CYSTM1: variants seen among roughly 807,000 people sequenced by gnomAD.
CYSTM1 encodes cysteine-rich transmembrane module-containing protein 1.
In CYSTM1, 4 loss-of-function variants were observed where a neutral mutation model predicts 13.1. That is an observed-to-expected ratio of 0.31 (90% CI 0.15 to 0.70). The LOEUF (loss-of-function observed/expected upper bound fraction) is 0.70, where lower values mean the gene tolerates loss of function less well. CYSTM1 is among the 30% of genes least tolerant of loss of function. The pLI is 0.72. For missense variants in CYSTM1, 96 were observed against 121.6 expected, an observed-to-expected ratio of 0.79 and a Z score of 0.99; for synonymous variants, 36 against 42.7, an observed-to-expected ratio of 0.84 and a Z score of 0.62.
chr5:140,214,560 C>G (rs935057865), intron 2 of CYSTM1, among the ~76,000 whole-genome samples: 4 of 152,184 alleles, frequency 2.6e-5, no homozygotes, highest in Non-Finnish European at 4.4e-5. Context: ...GGCCTTGCTT[C>G]ATTGTTCTTA....
At chr5:140,192,190 C>G (rs1227423541) in intron 1 of CYSTM1, among the ~76,000 whole-genome samples, 1 of 152,176 alleles carries the variant, frequency 6.6e-6, no homozygotes, top group Non-Finnish European at 1.5e-5. Context: ...CTCTCTTGAT[C>G]AGCACCTCCT....
chr5:140,226,613 A>ATATATATATATATATAT (rs61099181), intron 2 of CYSTM1, among the ~76,000 whole-genome samples: 891 of 84,582 alleles, frequency 0.011, 26 homozygotes, highest in South Asian at 0.023. Context: ...TATATATATA[A>ATATATATATATATATAT]AAATTAGCCA....
At chr5:140,213,924 T>A (rs964775705) in intron 2 of CYSTM1, among the ~76,000 whole-genome samples, 2 of 152,258 alleles carry the variant, frequency 1.3e-5, no homozygotes, top group African/African-American at 4.8e-5. Flanking sequence ...TGTACTGTTT[T>A]GTATTTTGTC....
chr5:140,185,267 A>T (rs988425903), intron 1 of CYSTM1, among the ~76,000 whole-genome samples: 5 of 152,228 alleles, frequency 3.3e-5, no homozygotes, highest in Non-Finnish European at 7.3e-5. Flanking sequence ...GCCCTTGTTC[A>T]GCGAAAGGTC....
rs869228543 is a variant in CYSTM1 at position 140,226,470 on chromosome 5, A to T, written c.188-16835A>T. The stretch of plus-strand genomic sequence containing the variant: ...ATGGTGAAAACCCGTCTCTATAAAA[A>T]ATATATATATATTTATATATATATA... On this transcript the variant is annotated intron_variant, in intron 2 of 2. Coordinates refer to ENST00000261811, the MANE Select transcript of CYSTM1 (RefSeq NM_032412.4). 5.4e-5 allele frequency among the ~76,000 whole-genome samples: 7 copies of T among 128,876 alleles called. No individual in the cohort carries two copies. The South Asian group carries it at 6.9e-4, about 13-fold the overall frequency. The allele number at this position is 128,876 out of a possible 152,430, so 84.5% of individuals were successfully genotyped here.
chr5:140,243,196 T>G, intron 2 of CYSTM1, 109 bp from the exon 3 acceptor site: 1 of 832,140 alleles, frequency 1.2e-6, no homozygotes, highest in Non-Finnish European at 2.0e-6. Flanking sequence ...ACCAGTCTGC[T>G]CAATAGTTTT....
chr5:140,228,006 A>C (rs1056057689), intron 2 of CYSTM1, among the ~76,000 whole-genome samples: 1 of 152,142 alleles, frequency 6.6e-6, no homozygotes, highest in African/African-American at 2.4e-5. Flanking sequence ...CATCCCTTAA[A>C]TTATTGGTCA....
intron 2 of CYSTM1, among the ~76,000 whole-genome samples, chr5:140,240,507 C>A (rs1764735501): frequency 6.6e-6 from 1 of 151,706 alleles, no homozygotes; most frequent in Non-Finnish European, 1.5e-5. Context: ...GGCCCAGGAC[C>A]CAGGTAGCAT....
intron 2 of CYSTM1, among the ~76,000 whole-genome samples, chr5:140,210,092 T>A (rs1378861250): frequency 6.6e-6 from 1 of 152,218 alleles, no homozygotes; most frequent in Non-Finnish European, 1.5e-5. Flanking sequence ...TTTTTTTAAT[T>A]ATCATAATTC....
chr5:140,209,637 C>G (rs565419564), intron 2 of CYSTM1, among the ~76,000 whole-genome samples: 1 of 152,168 alleles, frequency 6.6e-6, no homozygotes, highest in Non-Finnish European at 1.5e-5. Context: ...ACCATATTGA[C>G]CAGACTGGTC....
chr5:140,178,651 A>T (rs1451772781), intron 1 of CYSTM1, among the ~76,000 whole-genome samples: 1 of 151,276 alleles, frequency 6.6e-6, no homozygotes. Context: ...CCTGGGCTGG[A>T]GTGCAGTGGT....
chr5:140,190,010 T>A (rs558671089), intron 1 of CYSTM1, among the ~76,000 whole-genome samples: 2 of 152,318 alleles, frequency 1.3e-5, no homozygotes, highest in African/African-American at 4.8e-5. Context: ...ATTAATCCAG[T>A]GCTATTTATT....
intron 2 of CYSTM1, among the ~76,000 whole-genome samples, chr5:140,242,426 A>C (rs1764761504): frequency 6.6e-6 from 1 of 152,194 alleles, no homozygotes; most frequent in Non-Finnish European, 1.5e-5. Flanking sequence ...AATTGATAAC[A>C]TTCATGCATT....
Position 140,200,557 on chromosome 5 carries a change from C to CTTTTTTTTTTTTTTTT in CYSTM1, c.187+5911_187+5926dup, listed in dbSNP as rs57173526. On this transcript the variant is annotated intron_variant, in intron 2 of 2. Coordinates refer to ENST00000261811, the MANE Select transcript of CYSTM1 (RefSeq NM_032412.4). Reference sequence around the variant, plus strand: ...ATTTCCTTCCACTCTTCCCCCCGGCCTTTTTTTTTTTTTTTTTTTTTGAGG... The same window carrying CTTTTTTTTTTTTTTTT: ...ATTTCCTTCCACTCTTCCCCCCGGCCTTTTTTTTTTTTTTTTTTTTTTTTTTTTTTTTTTTTTGAGG... The CTTTTTTTTTTTTTTTT allele has an allele frequency of 1.3e-3, 100 of 78,730 alleles. 3 individuals carry two copies. Among genetic ancestry groups the CTTTTTTTTTTTTTTTT allele is most frequent in the African/African-American group, 5.1e-3 (97 of 19,124 alleles). 4.9% of individuals were successfully genotyped at this position (78,730 alleles called of 1,614,324 possible). A position where few individuals can be genotyped will look rare whatever the true frequency, so the allele number is the denominator to read the frequency against.
chr5:140,214,041 A>G (rs558193640), intron 2 of CYSTM1, among the ~76,000 whole-genome samples: 6 of 152,338 alleles, frequency 3.9e-5, no homozygotes, highest in South Asian at 4.1e-4. Flanking sequence ...GTGGTACTCA[A>G]TTGCAACTCT....
chr5:140,175,558 C>G lies in CYSTM1; in HGVS notation c.-21+273C>G, dbSNP rs1763870389. 6.6e-6 allele frequency among the ~76,000 whole-genome samples: 1 copy of G among 152,232 alleles called. No individual in the cohort carries two copies. The highest frequency in any genetic ancestry group is 1.5e-5 in the Non-Finnish European group (1 of 68,034). On this transcript the variant is annotated intron_variant, in intron 1 of 2. Coordinates refer to ENST00000261811, the MANE Select transcript of CYSTM1 (RefSeq NM_032412.4). This position sits in a 1 kb window ranked among gnomAD's most constrained non-coding sequence, Gnocchi z 4.9. ...CTCGGCGGTGGACTCACAGGGTCTC[C>G]GCGTCGCTGCGGTTCTCGTCTCACG...
intron 1 of CYSTM1, among the ~76,000 whole-genome samples, chr5:140,184,387 GT>G (rs397739910): frequency 4.4e-4 from 64 of 146,294 alleles, no homozygotes; most frequent in African/African-American, 7.0e-4. Flanking sequence ...ATAAAGTTGG[GT>G]TTTTTTTTTT....
At chr5:140,178,569 T>A (rs1390825020) in intron 1 of CYSTM1, among the ~76,000 whole-genome samples, 2 of 148,800 alleles carry the variant, frequency 1.3e-5, no homozygotes, top group Non-Finnish European at 3.0e-5. Context: ...CAGGCGACCA[T>A]GCCTGGCTAT....
chr5:140,188,156 G>T (rs1480615615), intron 1 of CYSTM1, among the ~76,000 whole-genome samples: 1 of 149,272 alleles, frequency 6.7e-6, no homozygotes, highest in African/African-American at 2.5e-5. Flanking sequence ...GCTCACTGCA[G>T]CTCAAACTCC....
Sources: allele counts gnomAD v4.1 joint callset (sites outside exome capture counted in the v4.1 genomes callset), GRCh38; gene constraint gnomAD v4.1.1; non-coding constraint Gnocchi (gnomAD v3.1); transcripts MANE v1.5; gene names NCBI Gene and HGNC (gene_info 2026-07-23, HGNC 2026-07-21).